Variants in GK observed in about 807,000 individuals in gnomAD.
GK encodes the protein ATP:glycerol 3-phosphotransferase.
In GK, 9 loss-of-function variants were observed where a neutral mutation model predicts 56.4. That is an observed-to-expected ratio of 0.16 (90% CI 0.10 to 0.28). GK has a LOEUF of 0.28. Among genes scored for constraint, GK ranks in the 10% least tolerant of loss-of-function variants. The probability of loss-of-function intolerance (pLI) is 1.00; values close to 1 mark genes in which losing one functional copy is unlikely to be tolerated. For synonymous variants in GK, 104 were observed against 144.1 expected (o/e 0.72, Z 1.99); for missense variants, 161 against 431.4 (o/e 0.37, Z 5.55).
At chrX:30,696,277 C>A in intron 7 of GK, 126 bp downstream of exon 7, 1 of 507,170 alleles carries the variant, frequency 2.0e-6, no homozygotes, top group Non-Finnish European at 3.6e-6. Context: ...CTACAATATG[C>A]AAATCTATGT....
At chrX:30,707,017 A>C (rs1039536666) in intron 11 of GK, among the ~76,000 whole-genome samples, 5 of 112,066 alleles carry the variant, frequency 4.5e-5, no homozygotes, top group East Asian at 2.8e-4. Flanking sequence ...ACTAAATACT[A>C]TATCTGCATT....
At chrX:30,708,401 T>C (rs974070521) in intron 13 of GK, among the ~76,000 whole-genome samples, 11 of 84,920 alleles carry the variant, frequency 1.3e-4, no homozygotes, top group South Asian at 4.6e-4. Context: ...CAATGTAAGG[T>C]TTTTTTTTTT....
At chrX:30,673,569 G>A (rs1933682936) in intron 3 of GK, among the ~76,000 whole-genome samples, 1 of 111,636 alleles carries the variant, frequency 9.0e-6, no homozygotes, top group African/African-American at 3.3e-5. Context: ...AGGTAGTAAA[G>A]ACATGTTTGT....
intron 13 of GK, among the ~76,000 whole-genome samples, chrX:30,712,728 T>C (rs1397291228): frequency 7.8e-5 from 6 of 76,639 alleles, no homozygotes; most frequent in African/African-American, 2.7e-4. Context: ...TTTTTTTTTT[T>C]TTTTTTTTTT....
At chrX:30,701,634 T>G (rs1427814879) in intron 11 of GK, among the ~76,000 whole-genome samples, 3 of 112,270 alleles carry the variant, frequency 2.7e-5, no homozygotes, top group Non-Finnish European at 5.6e-5. Context: ...AAGGTTATTT[T>G]CCTGGCATTG....
chrX:30,657,708 C>A (rs181653444), intron 1 of GK, among the ~76,000 whole-genome samples: 2 of 111,011 alleles, frequency 1.8e-5, no homozygotes, highest in African/African-American at 6.7e-5. Context: ...CACAGAGTAA[C>A]TGGTGGAGCT....
At chrX:30,714,354 A>G (rs1936503255) in intron 13 of GK, among the ~76,000 whole-genome samples, 3 of 111,904 alleles carry the variant, frequency 2.7e-5, no homozygotes, top group Non-Finnish European at 5.6e-5. Flanking sequence ...ACAGGGCTGC[A>G]GTCAAGATGT....
intron 11 of GK, 106 bp from the exon 12 acceptor site, chrX:30,707,449 CT>C: frequency 1.9e-6 from 1 of 519,300 alleles, no homozygotes; most frequent in Admixed American, 2.9e-5. Flanking sequence ...ACTATAATGA[CT>C]TTTTTGGACT....
At chrX:30,676,787 A>G (rs1933932157) in intron 3 of GK, among the ~76,000 whole-genome samples, 1 of 111,926 alleles carries the variant, frequency 8.9e-6, no homozygotes, top group Non-Finnish European at 1.9e-5. Context: ...AAATGCCATT[A>G]TATATTATAT....
chrX:30,678,685 T>TC (rs1380556429), intron 4 of GK, among the ~76,000 whole-genome samples: 1 of 99,812 alleles, frequency 1.0e-5, no homozygotes, highest in Non-Finnish European at 2.1e-5. Context: ...TTTTTTTTTT[T>TC]CTTTCCTCTG....
chrX:30,682,058 G>A (rs1934306334), intron 4 of GK, among the ~76,000 whole-genome samples: 2 of 111,511 alleles, frequency 1.8e-5, no homozygotes, highest in African/African-American at 6.5e-5. Context: ...GCATAAGGAG[G>A]AGGGAGAAAA....
At chrX:30,686,828 G>A (rs1266863113) in intron 4 of GK, among the ~76,000 whole-genome samples, 1 of 111,141 alleles carries the variant, frequency 9.0e-6, no homozygotes, top group Non-Finnish European at 1.9e-5. Context: ...TTACTTATTT[G>A]ATGGGCTTGA....
In GK at chrX:30,729,671, AT is replaced by A. The variant is rs1449933765; in HGVS notation, c.*932del. Reference sequence around the variant, plus strand: ...TTTTCTTAACAAGCCAACATTTAAAATTTATGTTTTATGTCAATAAAAGAAA... The same window carrying A: ...TTTTCTTAACAAGCCAACATTTAAAATTATGTTTTATGTCAATAAAAGAAA... On this transcript the variant is annotated 3_prime_UTR_variant, in exon 21 of 21. Transcript: ENST00000427190. 2 of 113,471 alleles carry A rather than the reference AT, an allele frequency of 1.8e-5. No individual in the cohort carries two copies. The highest frequency in any genetic ancestry group is 1.9e-4 in the Admixed American group (2 of 10,748). 9.4% of individuals were successfully genotyped at this position (113,471 alleles called of 1,213,427 possible). A position where few individuals can be genotyped will look rare whatever the true frequency, so the allele number is the denominator to read the frequency against.
chrX:30,691,021 C>A (rs1934900158), intron 4 of GK, 102 bp from the exon 5 acceptor site: 6 of 486,685 alleles, frequency 1.2e-5, no homozygotes, highest in South Asian at 1.0e-4. Flanking sequence ...ATTTTAATTC[C>A]TTATAGAAAC....
chrX:30,661,632 C>T (rs1252712835), intron 1 of GK, among the ~76,000 whole-genome samples: 1 of 111,074 alleles, frequency 9.0e-6, no homozygotes, highest in African/African-American at 3.3e-5. Context: ...TTCTGAGAGC[C>T]CTTCTCAGAC....
intron 9 of GK, among the ~76,000 whole-genome samples, chrX:30,699,300 A>G (rs1385914412): frequency 2.8e-5 from 2 of 72,532 alleles, no homozygotes; most frequent in Admixed American, 3.0e-4. Context: ...TATACATAAC[A>G]TGTATATATA....
Position 30,724,722 on chromosome X carries a change from A to G in GK, c.1582+541A>G, listed in dbSNP as rs1601957027. 1.7e-5 allele frequency: 4 copies of G among 232,890 alleles called. No individual in the cohort carries two copies. In the East Asian group the frequency reaches 5.3e-4, roughly 31 times the overall value. The allele number at this position is 232,890 out of a possible 1,213,427, so 19.2% of individuals were successfully genotyped here. On this transcript the variant is annotated intron_variant, in intron 19 of 20. Transcript: ENST00000427190. ...GGGAAGTGCTCTTAGCAGAAAAAAT[A>G]GTGGACTATTCTACCTTTCAGTCAC...
At chrX:30,677,655 T>G (rs2147165272) in intron 4 of GK, among the ~76,000 whole-genome samples, 1 of 109,994 alleles carries the variant, frequency 9.1e-6, no homozygotes, top group East Asian at 2.8e-4. Context: ...TGAAACCCCA[T>G]CTCTACTAAA....
At chrX:30,712,388 G>A (rs765549907) in intron 13 of GK, among the ~76,000 whole-genome samples, 1 of 111,474 alleles carries the variant, frequency 9.0e-6, no homozygotes, top group Non-Finnish European at 1.9e-5. Flanking sequence ...CAGTAGATGT[G>A]TCAAGTTACA....
Sources: allele counts gnomAD v4.1 joint callset (sites outside exome capture counted in the v4.1 genomes callset), GRCh38; gene constraint gnomAD v4.1.1; transcripts MANE v1.5; gene names NCBI Gene and HGNC (gene_info 2026-07-23, HGNC 2026-07-21).